Variants in CIMIP7 observed in about 807,000 individuals in gnomAD.
The protein encoded by CIMIP7 is uncharacterized protein C3orf84.
At chr3:49,187,050 T>C in the CIMIP7 span, among the ~76,000 whole-genome samples, 1 of 152,232 alleles carries the variant, frequency 6.6e-6, no homozygotes, top group African/African-American at 2.4e-5. Context: ...CCCTAGAATG[T>C]ACATGTCTTT....
At chr3:49,182,564 C>A in the CIMIP7 span, among the ~76,000 whole-genome samples, 1 of 152,216 alleles carries the variant, frequency 6.6e-6, no homozygotes, top group African/African-American at 2.4e-5. Flanking sequence ...TAAAGGTTCT[C>A]CAAGTCCCCA....
At chr3:49,190,070 A>C in the CIMIP7 span, 1 of 1,613,266 alleles carries the variant, frequency 6.2e-7, no homozygotes, top group Non-Finnish European at 8.5e-7. Context: ...GCTTGGCTGC[A>C]AGGTGGTATT....
At chr3:49,191,680 CTCAG>C in the CIMIP7 span, 1 of 1,540,820 alleles carries the variant, frequency 6.5e-7, no homozygotes, top group African/African-American at 1.4e-5. Context: ...ACCGGCATGA[CTCAG>C]TCAGATTTCA....
the CIMIP7 span, among the ~76,000 whole-genome samples, chr3:49,178,864 C>T: frequency 6.6e-6 from 1 of 152,122 alleles, no homozygotes; most frequent in African/African-American, 2.4e-5. Context: ...CTCTTGATTG[C>T]CCAGGACTCT....
the CIMIP7 span, among the ~76,000 whole-genome samples, chr3:49,191,022 A>C: frequency 6.6e-6 from 1 of 152,112 alleles, no homozygotes; most frequent in African/African-American, 2.4e-5. Context: ...CAACTATCAG[A>C]GGTCCAAGAA....
At chr3:49,182,150 G>A in the CIMIP7 span, among the ~76,000 whole-genome samples, 1 of 152,220 alleles carries the variant, frequency 6.6e-6, no homozygotes, top group Admixed American at 6.5e-5. Flanking sequence ...GCAGCAGCAA[G>A]ATTTATTGCA....
the CIMIP7 span, among the ~76,000 whole-genome samples, chr3:49,181,865 G>A: frequency 6.6e-6 from 1 of 152,242 alleles, no homozygotes; most frequent in African/African-American, 2.4e-5. Flanking sequence ...CTCGCGGTGA[G>A]TGTTAACAGT....
chr3:49,177,689 C>T, the CIMIP7 span: 2 of 1,609,620 alleles, frequency 1.2e-6, no homozygotes, highest in African/African-American at 2.7e-5. Flanking sequence ...GAGACCCCAG[C>T]ATGAAGGTAG....
chr3:49,188,153 A>G, the CIMIP7 span, among the ~76,000 whole-genome samples: 1 of 152,236 alleles, frequency 6.6e-6, no homozygotes, highest in African/African-American at 2.4e-5. Flanking sequence ...ATGGAGCTGC[A>G]TCTGGGCCTG....
At chr3:49,187,125 C>G in the CIMIP7 span, among the ~76,000 whole-genome samples, 22 of 152,294 alleles carry the variant, frequency 1.4e-4, no homozygotes, top group African/African-American at 5.1e-4. Context: ...TTTATTGACG[C>G]CCAATGAGTT....
At chr3:49,189,620 G>C in the CIMIP7 span, among the ~76,000 whole-genome samples, 1 of 152,212 alleles carries the variant, frequency 6.6e-6, no homozygotes, top group Non-Finnish European at 1.5e-5. Context: ...CTGACCAGAG[G>C]AGGCCTCCTA....
the CIMIP7 span, among the ~76,000 whole-genome samples, chr3:49,188,697 T>C: frequency 6.6e-6 from 1 of 152,208 alleles, no homozygotes; most frequent in South Asian, 2.1e-4. Context: ...TGCCTTTATC[T>C]GAGGCTGTCA....
At chr3:49,187,507 T>C in the CIMIP7 span, among the ~76,000 whole-genome samples, 3 of 152,002 alleles carry the variant, frequency 2.0e-5, no homozygotes, top group Non-Finnish European at 4.4e-5. Context: ...GTGAAGAACA[T>C]GCACCCAACC....
chr3:49,178,182 T>C, the CIMIP7 span: 2 of 848,832 alleles, frequency 2.4e-6, no homozygotes, highest in East Asian at 2.7e-5. Context: ...CCTGGCCTCC[T>C]TGGCCTGCCT....
At chr3:49,179,263 C>G in the CIMIP7 span, among the ~76,000 whole-genome samples, 8 of 152,172 alleles carry the variant, frequency 5.3e-5, no homozygotes, top group Non-Finnish European at 1.2e-4. Flanking sequence ...CCACTCTTTT[C>G]CCCGATCCAA....
At chr3:49,179,933 T>G in the CIMIP7 span, among the ~76,000 whole-genome samples, 2 of 151,764 alleles carry the variant, frequency 1.3e-5, no homozygotes, top group Non-Finnish European at 2.9e-5. Flanking sequence ...AGGTCAGGAG[T>G]TTGAGACCAG....
chr3:49,182,799 G>A, the CIMIP7 span, among the ~76,000 whole-genome samples: 1 of 152,296 alleles, frequency 6.6e-6, no homozygotes, highest in African/African-American at 2.4e-5. Flanking sequence ...TGCAGGTCCC[G>A]AGCCCTGCCC....
chr3:49,184,429 C>T, the CIMIP7 span, among the ~76,000 whole-genome samples: 2 of 152,216 alleles, frequency 1.3e-5, no homozygotes, highest in African/African-American at 2.4e-5. Flanking sequence ...TCAAGAGGTT[C>T]TTATGCCTCC....
At chr3:49,190,829 C>T in the CIMIP7 span, among the ~76,000 whole-genome samples, 18 of 151,948 alleles carry the variant, frequency 1.2e-4, no homozygotes, top group South Asian at 2.3e-3. Flanking sequence ...CCACCACACC[C>T]GGCTAATTTT....
Sources: allele counts gnomAD v4.1 joint callset (sites outside exome capture counted in the v4.1 genomes callset), GRCh38; gene constraint gnomAD v4.1.1; transcripts MANE v1.5; gene names NCBI Gene and HGNC (gene_info 2026-07-23, HGNC 2026-07-21).